Variants in BMPR1A observed in about 807,000 individuals in gnomAD.
The protein encoded by BMPR1A is bone morphogenetic protein receptor type-1A.
Under a neutral mutation model 66.0 loss-of-function variants are expected in BMPR1A, and 7 were observed. That is an observed-to-expected ratio of 0.11 (90% CI 0.06 to 0.20). BMPR1A has a LOEUF of 0.20. BMPR1A is among the 10% of genes least tolerant of loss of function. BMPR1A has a pLI of 1.00. For synonymous variants in BMPR1A, 200 were observed against 229.7 expected (o/e 0.87, Z 1.17); for missense variants, 408 against 669.1 (o/e 0.61, Z 4.31).
intron 1 of BMPR1A, among the ~76,000 whole-genome samples, chr10:86,796,428 C>T (rs1041168201): frequency 4.6e-5 from 7 of 151,912 alleles, no homozygotes; most frequent in Non-Finnish European, 1.0e-4. Context: ...AATTTACTTA[C>T]TACCCTTCTG....
intron 10 of BMPR1A, among the ~76,000 whole-genome samples, chr10:86,920,674 C>T (rs1843648623): frequency 6.6e-6 from 1 of 152,008 alleles, no homozygotes; most frequent in African/African-American, 2.4e-5. Context: ...ATCATGTAAA[C>T]ATTGCTAACA....
chr10:86,771,386 A>G (rs1033530785), intron 1 of BMPR1A, among the ~76,000 whole-genome samples: 17 of 152,218 alleles, frequency 1.1e-4, no homozygotes, highest in Admixed American at 9.2e-4. Context: ...AAAATATAAG[A>G]TTGAGATGGA....
At chr10:86,761,686 G>A (rs1237198182) in intron 1 of BMPR1A, among the ~76,000 whole-genome samples, 1 of 152,170 alleles carries the variant, frequency 6.6e-6, no homozygotes, top group African/African-American at 2.4e-5. Context: ...TGCAGCCTCA[G>A]GCATAAATGG....
chr10:86,850,297 G>T (rs529634443), intron 2 of BMPR1A, among the ~76,000 whole-genome samples: 1 of 151,252 alleles, frequency 6.6e-6, no homozygotes, highest in Non-Finnish European at 1.5e-5. Context: ...CTCCAGCCTG[G>T]GTGACAGAGC....
rs150762162 is a variant in BMPR1A, at chr10:86,924,483, T to C, written c.*764T>C. Reference sequence around the variant, plus strand: ...AAGGCCAAAAGAAGTTTAAAGCATCTGTAAATTTGGACTGTTTTCCTTCAA... The same window carrying C: ...AAGGCCAAAAGAAGTTTAAAGCATCCGTAAATTTGGACTGTTTTCCTTCAA... On this transcript the variant is annotated 3_prime_UTR_variant, in exon 13 of 13. Transcript: ENST00000372037. The C allele has an allele frequency of 0.06, 14,037 of 233,510 alleles. 527 individuals are homozygous for C. Among genetic ancestry groups the C allele is most frequent in the Non-Finnish European group, 0.078 (9,202 of 117,980 alleles). 14.5% of individuals were successfully genotyped at this position (233,510 alleles called of 1,614,324 possible).
intron 1 of BMPR1A, among the ~76,000 whole-genome samples, chr10:86,785,887 GGA>G (rs1433497296): frequency 6.6e-6 from 1 of 152,148 alleles, no homozygotes; most frequent in Non-Finnish European, 1.5e-5. Context: ...ACTAAGTTCA[GGA>G]GAGTCCTTAA....
intron 1 of BMPR1A, among the ~76,000 whole-genome samples, chr10:86,835,393 A>T (rs1251415529): frequency 6.6e-6 from 1 of 150,894 alleles, no homozygotes; most frequent in Non-Finnish European, 1.5e-5. Context: ...GTGAAACCGC[A>T]TCTCTACTAA....
chr10:86,763,790 GT>G lies in BMPR1A; in HGVS notation c.-268+6890del, dbSNP rs5786745. On this transcript the variant is annotated intron_variant, in intron 1 of 12. Transcript: ENST00000372037. Reference sequence around the variant, plus strand: ...AAATCTGTAGGAGACTTGGATAGTTGTTTTTTTTTTTTTTTTTTTGAGACGG... The same window carrying G: ...AAATCTGTAGGAGACTTGGATAGTTGTTTTTTTTTTTTTTTTTTGAGACGG... 3.9e-3 allele frequency among the ~76,000 whole-genome samples: 456 copies of G among 117,410 alleles called. 1 individual carries two copies. Among genetic ancestry groups the G allele is most frequent in the Non-Finnish European group, 5.4e-3 (316 of 58,314 alleles). The allele number at this position is 117,410 out of a possible 152,430, so 77.0% of individuals were successfully genotyped here.
At chr10:86,896,882 C>A (rs1336687528) in intron 5 of BMPR1A, among the ~76,000 whole-genome samples, 1 of 152,178 alleles carries the variant, frequency 6.6e-6, no homozygotes. Context: ...ACTTATCTAA[C>A]TTTCTGTATT....
chr10:86,802,702 GA>G (rs1362618225), intron 1 of BMPR1A, among the ~76,000 whole-genome samples: 1 of 151,808 alleles, frequency 6.6e-6, no homozygotes, highest in Non-Finnish European at 1.5e-5. Flanking sequence ...ATCAGTTTAG[GA>G]ATTTGTATGC....
Position 86,828,821 on chromosome 10 carries a change from G to A in BMPR1A, c.-267-10044G>A, listed in dbSNP as rs7905937. 8.5e-3 allele frequency among the ~76,000 whole-genome samples: 1,297 copies of A among 152,098 alleles called. 21 individuals are homozygous for A. Among genetic ancestry groups the A allele is most frequent in the African/African-American group, 0.029 (1,183 of 41,478 alleles). Reference sequence around the variant, plus strand: ...TATATATACAATAATTTCTCTACTGGCCGAATTGGATTTACTTGGAAAAAG... The same window carrying A: ...TATATATACAATAATTTCTCTACTGACCGAATTGGATTTACTTGGAAAAAG... On this transcript the variant is annotated intron_variant, in intron 1 of 12. Transcript: ENST00000372037.
chr10:86,780,592 G>A (rs578112350), intron 1 of BMPR1A, among the ~76,000 whole-genome samples: 6 of 151,868 alleles, frequency 4.0e-5, no homozygotes, highest in Non-Finnish European at 8.8e-5. Flanking sequence ...GCACCACCAC[G>A]CCCGGCTAAT....
In BMPR1A at chr10:86,790,182, AAAAAAAATATATATATATATAT is replaced by A. The variant is rs1841586066; in HGVS notation, c.-268+33265_-268+33286del. Among the ~76,000 whole-genome samples the A allele has an allele frequency of 2.6e-4, 11 of 41,926 alleles. 2 individuals are homozygous for A. Among genetic ancestry groups the A allele is most frequent in the African/African-American group, 1.7e-3 (10 of 5,902 alleles). The allele number at this position is 41,926 out of a possible 152,430, so 27.5% of individuals were successfully genotyped here. On this transcript the variant is annotated intron_variant, in intron 1 of 12. Coordinates refer to ENST00000372037, the MANE Select transcript of BMPR1A (RefSeq NM_004329.3). ...GTCTCCAAAAAAAAAAAAAAAAAAA[AAAAAAAATATATATATATATAT>A]ATATATATATATATATATATATATA...
At position 86,919,822 on chromosome 10, in the gene BMPR1A, C is replaced by T. The variant is rs544512167; in HGVS notation, c.1166+353C>T. Reference sequence around the variant, plus strand: ...TCATGGGCTCAAGCAATCCTCCCACCTCAGCCTCCTGAGTAGCTGGGACTA... The same window carrying T: ...TCATGGGCTCAAGCAATCCTCCCACTTCAGCCTCCTGAGTAGCTGGGACTA... On this transcript the variant is annotated intron_variant, in intron 10 of 12. Coordinates refer to ENST00000372037, the MANE Select transcript of BMPR1A (RefSeq NM_004329.3). Among the ~76,000 whole-genome samples the T allele has an allele frequency of 1.4e-4, 21 of 152,236 alleles. No homozygotes were observed. In the South Asian group the frequency reaches 4.1e-3, roughly 30 times the overall value.
At chr10:86,842,795 A>G (rs1034312568) in intron 2 of BMPR1A, among the ~76,000 whole-genome samples, 1 of 152,174 alleles carries the variant, frequency 6.6e-6, no homozygotes, top group Non-Finnish European at 1.5e-5. Flanking sequence ...GGCAGCAGGC[A>G]GAGAGAATGA....
chr10:86,896,932 A>G (rs1009204272), intron 5 of BMPR1A, among the ~76,000 whole-genome samples: 3 of 152,194 alleles, frequency 2.0e-5, no homozygotes, highest in Admixed American at 6.5e-5. Context: ...TCACCCAAGC[A>G]CAGCTCTGTC....
At chr10:86,912,805 A>G (rs1843510238) in intron 8 of BMPR1A, among the ~76,000 whole-genome samples, 2 of 152,096 alleles carry the variant, frequency 1.3e-5, no homozygotes, top group East Asian at 1.9e-4. Flanking sequence ...AGATTCTGAA[A>G]TAAAAAAGAA....
At chr10:86,859,182 A>T (rs1400026068) in intron 2 of BMPR1A, among the ~76,000 whole-genome samples, 1 of 152,192 alleles carries the variant, frequency 6.6e-6, no homozygotes, top group Non-Finnish European at 1.5e-5. Context: ...GTCTTCAATA[A>T]ATGGTGCTGG....
intron 7 of BMPR1A, among the ~76,000 whole-genome samples, chr10:86,909,983 T>C (rs1021409155): frequency 7.2e-5 from 11 of 152,132 alleles, no homozygotes; most frequent in Admixed American, 2.0e-4. Flanking sequence ...ACTACAGATA[T>C]GGTAGAAAAT....
Sources: gnomAD v4.1 joint callset for allele counts (sites outside exome capture counted in the v4.1 genomes callset) on GRCh38, gnomAD v4.1.1 for gene constraint, MANE v1.5 for transcripts, NCBI Gene and HGNC (gene_info 2026-07-23, HGNC 2026-07-21) for gene names.